Variants in SH3GL3 observed in about 807,000 individuals in gnomAD.
SH3GL3 encodes SH3 domain containing GRB2 like 3, endophilin A3, also known as endophilin-A3.
A neutral mutation model predicts 47.7 loss-of-function variants in SH3GL3; 33 were observed. The observed-to-expected ratio is 0.69, with a 90% confidence interval of 0.52 to 0.92. The LOEUF (loss-of-function observed/expected upper bound fraction) is 0.92. Ranked by LOEUF, SH3GL3 falls within the 40% of genes least tolerant of loss-of-function variation. The pLI is 0.00. For missense variants in SH3GL3, 363 were observed against 417.8 expected (o/e 0.87, Z 1.14); for synonymous variants, 155 against 148.8 (o/e 1.04, Z -0.30).
intron 1 of SH3GL3, among the ~76,000 whole-genome samples, chr15:83,513,132 C>T (rs973298647): frequency 9.2e-5 from 14 of 152,154 alleles, no homozygotes; most frequent in African/African-American, 3.4e-4. Context: ...ACTTTCCCGC[C>T]CTACCTTCCA....
chr15:83,601,916 A>G (rs572577555), intron 8 of SH3GL3, among the ~76,000 whole-genome samples: 1 of 149,212 alleles, frequency 6.7e-6, no homozygotes, highest in African/African-American at 2.5e-5. Flanking sequence ...AAGACTTTTT[A>G]TATTGTATTA....
intron 1 of SH3GL3, among the ~76,000 whole-genome samples, chr15:83,538,981 T>G (rs1453377819): frequency 6.6e-6 from 1 of 152,188 alleles, no homozygotes; most frequent in Non-Finnish European, 1.5e-5. Flanking sequence ...ACAAATACTG[T>G]ATGAGTGTTC....
At chr15:83,579,468 C>G (rs2059773468) in intron 6 of SH3GL3, among the ~76,000 whole-genome samples, 2 of 152,188 alleles carry the variant, frequency 1.3e-5, no homozygotes, top group South Asian at 4.1e-4. Context: ...CGGAGATGGG[C>G]CGCCCAGGCT....
At chr15:83,531,679 A>C (rs1487323290) in intron 1 of SH3GL3, among the ~76,000 whole-genome samples, 1 of 152,172 alleles carries the variant, frequency 6.6e-6, no homozygotes, top group Non-Finnish European at 1.5e-5. Context: ...GTATGGAGGA[A>C]GAATTTGAGG....
rs142619061 is a variant in SH3GL3, at chr15:83,582,572, C to T, written c.625-4411C>T. On this transcript the variant is annotated intron_variant, in intron 6 of 8. Coordinates refer to ENST00000427482, the MANE Select transcript of SH3GL3 (RefSeq NM_003027.5). Reference sequence around the variant, plus strand: ...ACAGTATGAAAGATTAATCTCTAAGCGGTTCCTAACAGAAAATACAGTTGG... The same window carrying T: ...ACAGTATGAAAGATTAATCTCTAAGTGGTTCCTAACAGAAAATACAGTTGG... Among the ~76,000 whole-genome samples the T allele has an allele frequency of 1.6e-3, 251 of 152,272 alleles. 9 individuals carry two copies. The highest frequency in any genetic ancestry group is 3.4e-3 in the Middle Eastern group (1 of 294).
At chr15:83,580,525 C>G (rs1232159058) in intron 6 of SH3GL3, among the ~76,000 whole-genome samples, 1 of 152,234 alleles carries the variant, frequency 6.6e-6, no homozygotes, top group Non-Finnish European at 1.5e-5. Flanking sequence ...CAGTCACAGC[C>G]ATTCACCCTT....
intron 8 of SH3GL3, among the ~76,000 whole-genome samples, chr15:83,597,601 TATTATA>T (rs1165360773): frequency 2.9e-4 from 44 of 151,334 alleles, no homozygotes; most frequent in Middle Eastern, 3.4e-3. Context: ...TATTTTATTT[TATTATA>T]ATTATTATTA....
intron 1 of SH3GL3, among the ~76,000 whole-genome samples, chr15:83,552,603 A>G (rs1430036897): frequency 6.6e-6 from 1 of 152,222 alleles, no homozygotes; most frequent in African/African-American, 2.4e-5. Flanking sequence ...TTTTGCAGCA[A>G]CATAATATAT....
At chr15:83,539,519 G>A (rs1427257042) in intron 1 of SH3GL3, among the ~76,000 whole-genome samples, 3 of 152,196 alleles carry the variant, frequency 2.0e-5, no homozygotes, top group Non-Finnish European at 4.4e-5. Context: ...TCAAGCCATA[G>A]CAGAAATCTT....
At chr15:83,470,701 ATTTAT>A (rs1013214517) in intron 1 of SH3GL3, among the ~76,000 whole-genome samples, 21 of 152,032 alleles carry the variant, frequency 1.4e-4, no homozygotes, top group African/African-American at 5.1e-4. Flanking sequence ...TCTGTTTTTA[ATTTAT>A]TTTCTTTTCT....
chr15:83,520,027 T>C (rs1009139992), intron 1 of SH3GL3, among the ~76,000 whole-genome samples: 4 of 152,166 alleles, frequency 2.6e-5, no homozygotes, highest in African/African-American at 9.7e-5. Flanking sequence ...CGGAGACAAA[T>C]GACTTTGCCA....
intron 4 of SH3GL3, among the ~76,000 whole-genome samples, chr15:83,569,790 T>A (rs901662670): frequency 6.6e-6 from 1 of 152,216 alleles, no homozygotes; most frequent in African/African-American, 2.4e-5. Flanking sequence ...AATTTTTATT[T>A]GTGTTTGTCA....
intron 6 of SH3GL3, among the ~76,000 whole-genome samples, chr15:83,585,744 A>G (rs1215085750): frequency 6.6e-6 from 1 of 152,216 alleles, no homozygotes; most frequent in Non-Finnish European, 1.5e-5. Context: ...AGAGCATGGT[A>G]AAGTAAATGA....
intron 1 of SH3GL3, among the ~76,000 whole-genome samples, chr15:83,529,193 T>A (rs2043554213): frequency 6.6e-6 from 1 of 152,192 alleles, no homozygotes; most frequent in Non-Finnish European, 1.5e-5. Flanking sequence ...TTGTGCCCAG[T>A]GGTGGCAGTG....
At chr15:83,632,497 G>C in the SH3GL3 span, among the ~76,000 whole-genome samples, 1 of 152,226 alleles carries the variant, frequency 6.6e-6, no homozygotes, top group Non-Finnish European at 1.5e-5. Flanking sequence ...AGAACTGCCA[G>C]AGACTGGATA....
intron 1 of SH3GL3, among the ~76,000 whole-genome samples, chr15:83,513,068 G>C (rs2042833732): frequency 6.6e-6 from 1 of 152,162 alleles, no homozygotes; most frequent in Non-Finnish European, 1.5e-5. Context: ...TTGCACAAAA[G>C]TTGTACTTTT....
chr15:83,568,267 A>G (rs2045650685), intron 3 of SH3GL3, among the ~76,000 whole-genome samples: 1 of 152,124 alleles, frequency 6.6e-6, no homozygotes, highest in African/African-American at 2.4e-5. Context: ...TACAGGTGTG[A>G]GCCACTGCGC....
intron 6 of SH3GL3, among the ~76,000 whole-genome samples, chr15:83,585,792 G>C (rs918218129): frequency 1.3e-5 from 2 of 152,300 alleles, no homozygotes; most frequent in South Asian, 4.1e-4. Context: ...GCTGATCACA[G>C]CTTGGCACAC....
chr15:83,621,049 C>G (rs1188185143), downstream of SH3GL3, among the ~76,000 whole-genome samples: 1 of 152,210 alleles, frequency 6.6e-6, no homozygotes, highest in African/African-American at 2.4e-5. Flanking sequence ...GCAGCTTTCT[C>G]ACCTCTCTCA....
Sources: allele counts gnomAD v4.1 joint callset (sites outside exome capture counted in the v4.1 genomes callset), GRCh38; gene constraint gnomAD v4.1.1; transcripts MANE v1.5; gene names NCBI Gene and HGNC (gene_info 2026-07-23, HGNC 2026-07-21).